DMXL2: variants seen among roughly 807,000 people sequenced by gnomAD.
DMXL2 encodes Dmx like 2.
A neutral mutation model predicts 331.1 loss-of-function variants in DMXL2; 103 were observed. The observed-to-expected ratio is 0.31, with a 90% CI of 0.27 to 0.37. The LOEUF (loss-of-function observed/expected upper bound fraction) is 0.37, where lower values mean the gene tolerates loss of function less well. DMXL2 is among the 10% of genes least tolerant of loss of function. The pLI is 1.00. For missense variants in DMXL2, 3,171 were observed against 3,642.9 expected (o/e 0.87, Z 3.33); for synonymous variants, 1,281 against 1,252.1 (o/e 1.02, Z -0.49).
At chr15:51,505,736 T>G (rs921082943) in intron 16 of DMXL2, among the ~76,000 whole-genome samples, 1 of 152,248 alleles carries the variant, frequency 6.6e-6, no homozygotes, top group African/African-American at 2.4e-5. Context: ...TGTGATAATG[T>G]ATAATACATG....
Position 51,464,993 on chromosome 15 carries a change from A to C in DMXL2, c.7607-117T>G, listed in dbSNP as rs989859743. The C allele has an allele frequency of 9.6e-5, 88 of 918,570 alleles. No homozygotes were observed. The Admixed American group carries it at 1.3e-3, about 14-fold the overall frequency. 56.9% of individuals were successfully genotyped at this position (918,570 alleles called of 1,614,324 possible). A position where few individuals can be genotyped will look rare whatever the true frequency, so the allele number is the denominator to read the frequency against. On this transcript the variant is annotated intron_variant, in intron 31 of 43. Coordinates refer to ENST00000560891, the MANE Select transcript of DMXL2 (RefSeq NM_001378457.1). ...TTCTGAAAATACAAATAAATCTGCA[A>C]ATGTTAATGTAATACAGTTTAGATT... is the stretch of plus-strand genomic sequence containing the variant.
intron 13 of DMXL2, among the ~76,000 whole-genome samples, chr15:51,518,389 T>C (rs1324851839): frequency 6.6e-6 from 1 of 152,192 alleles, no homozygotes; most frequent in East Asian, 1.9e-4. Context: ...CATTGAAATC[T>C]GGACTCAACT....
At position 51,564,199 on chromosome 15, in the gene DMXL2, A is replaced by C; in HGVS notation, c.426T>G (p.Ile142Met). 6.2e-7 allele frequency: 1 copy of C among 1,608,758 alleles called. No homozygotes were observed. Among genetic ancestry groups the C allele is most frequent in the Non-Finnish European group, 8.5e-7 (1 of 1,177,574 alleles). ...TATCAATTTCTTCCTCCTCTTCCAG[A>C]ATATCATCTCCTGGAGGAGCCCACA... is the stretch of plus-strand genomic sequence containing the variant. ...IQLWAPPGDD[I>M]LEEEEEIDNT... Residue 142 changes from isoleucine to methionine, a missense_variant, in exon 5 of 44, where the codon ATT becomes ATG. Physicochemically the swap from Ile to Met is conservative, Grantham distance 10. Transcript: ENST00000560891.
At chr15:51,450,073 G>GT (rs1460352301) in intron 43 of DMXL2, 56 bp downstream of exon 43, 2 of 1,491,982 alleles carry the variant, frequency 1.3e-6, no homozygotes, top group Non-Finnish European at 1.8e-6. Context: ...TGGAGTTTTT[G>GT]TTTTTTCTCT....
At position 51,500,093 on chromosome 15, in the gene DMXL2, T is replaced by C; in HGVS notation, c.3131A>G (p.Glu1044Gly). ...NPECNKSDEK[E>G]IYHWKRWPLM... ...AGGCCATCTCTTCCAATGATAAATT[T>C]CTTTCTCATCACTTTTATTACACTC... Residue 1044 changes from glutamate to glycine, a missense_variant, in exon 18 of 44, where the codon GAA becomes GGA. Physicochemically the swap from Glu to Gly is moderately conservative, Grantham distance 98. Transcript: ENST00000560891. 6.2e-7 allele frequency: 1 copy of C among 1,614,192 alleles called. No individual in the cohort carries two copies. The highest frequency in any genetic ancestry group is 8.5e-7 in the Non-Finnish European group (1 of 1,180,012).
intron 9 of DMXL2, among the ~76,000 whole-genome samples, chr15:51,539,081 G>A (rs1010843367): frequency 1.3e-5 from 2 of 151,754 alleles, no homozygotes; most frequent in African/African-American, 2.4e-5. Context: ...GTGGCGGGGT[G>A]TGCCTGTAGT....
intron 1 of DMXL2, among the ~76,000 whole-genome samples, chr15:51,589,199 A>C (rs2052099274): frequency 6.6e-6 from 1 of 152,212 alleles, no homozygotes; most frequent in Non-Finnish European, 1.5e-5. Flanking sequence ...GGAGCTGAAA[A>C]GTCATGCATA....
intron 1 of DMXL2, among the ~76,000 whole-genome samples, chr15:51,598,165 C>T (rs766850973): frequency 7.2e-5 from 11 of 152,044 alleles, no homozygotes; most frequent in Non-Finnish European, 1.2e-4. Flanking sequence ...ACTTCCTTTA[C>T]TTTTAGTTTT....
In DMXL2 at chr15:51,542,382, T is replaced by C. The variant is rs2048646835; in HGVS notation, c.1056A>G (p.Ala352=). 3 of 1,613,736 alleles carry C rather than the reference T, an allele frequency of 1.9e-6. No homozygotes were observed. The African/African-American group carries it at 4.0e-5, about 22-fold the overall frequency. ...CAATATGAAAATGACAGAGTGCATT[T>C]GCATGGTGGGAAATGTGTCTTTGAA... ...HEVQRHISHH[A]NALCHFHIAA... Residue 352 remains alanine (A), a synonymous_variant, in exon 9 of 44, where the codon GCA becomes GCG. Transcript: ENST00000560891.
At chr15:51,506,732 C>T (rs1057471253) in intron 16 of DMXL2, among the ~76,000 whole-genome samples, 4 of 152,072 alleles carry the variant, frequency 2.6e-5, no homozygotes, top group East Asian at 1.9e-4. Flanking sequence ...GGATTACAGG[C>T]GTGAGCCACC....
chr15:51,542,539 T>C, intron 8 of DMXL2, 32 bp from the exon 9 acceptor site: 1 of 1,539,528 alleles, frequency 6.5e-7, no homozygotes, highest in South Asian at 1.2e-5. Context: ...TGAGTCCAAC[T>C]CTGGAACCTC....
chr15:51,574,038 T>C (rs1204312397), intron 2 of DMXL2, among the ~76,000 whole-genome samples: 1 of 152,028 alleles, frequency 6.6e-6, no homozygotes, highest in Non-Finnish European at 1.5e-5. Context: ...TCAAATAAAA[T>C]GGCCTAATTA....
intron 29 of DMXL2, among the ~76,000 whole-genome samples, chr15:51,470,839 T>A (rs2041034644): frequency 6.6e-6 from 1 of 152,148 alleles, no homozygotes. Flanking sequence ...CATGGCCTGA[T>A]AAAACCGCCA....
Position 51,536,575 on chromosome 15 carries a change from G to C in DMXL2, c.1905C>G (p.Thr635=). 1 of 1,613,914 alleles carries C rather than the reference G, an allele frequency of 6.2e-7. No homozygotes were observed. Among genetic ancestry groups the C allele is most frequent in the South Asian group, 1.1e-5 (1 of 91,068 alleles). The change falls in exon 12 of 44, where the codon ACC becomes ACG. Residue 635 remains threonine, a synonymous_variant. Transcript: ENST00000560891. The part of the protein sequence containing the change: ...AVTFADKSAF[T]TVLTVSHKFR... ...ATTTGTGAGATACAGTTAGAACAGTGGTAAAGGCAGACTTATCAGCAAAAG... is the reference window on the plus strand; with the variant it reads ...ATTTGTGAGATACAGTTAGAACAGTCGTAAAGGCAGACTTATCAGCAAAAG...
chr15:51,496,012 CTATT>C (rs749751967), intron 18 of DMXL2, among the ~76,000 whole-genome samples: 2 of 151,890 alleles, frequency 1.3e-5, no homozygotes, highest in South Asian at 2.1e-4. Context: ...TAATATGTAT[CTATT>C]TATTTATTTA....
intron 6 of DMXL2, among the ~76,000 whole-genome samples, chr15:51,553,692 G>A (rs763629506): frequency 1.3e-5 from 2 of 151,472 alleles, no homozygotes; most frequent in African/African-American, 2.4e-5. Flanking sequence ...CTTAATGAAC[G>A]GTTAATTTAT....
chr15:51,502,185 A>ATAGCAC (rs1223404379), intron 17 of DMXL2, among the ~76,000 whole-genome samples: 1 of 150,964 alleles, frequency 6.6e-6, no homozygotes, highest in Non-Finnish European at 1.5e-5. Flanking sequence ...GTGAGCCAAG[A>ATAGCAC]TAGCACCACT....
At chr15:51,589,402 T>G (rs189537521) in intron 1 of DMXL2, among the ~76,000 whole-genome samples, 1 of 152,350 alleles carries the variant, frequency 6.6e-6, no homozygotes, top group East Asian at 1.9e-4. Flanking sequence ...TGCTCTTCCT[T>G]GATGGTTTAT....
At chr15:51,489,245 A>G (rs911357844) in intron 20 of DMXL2, among the ~76,000 whole-genome samples, 3 of 152,260 alleles carry the variant, frequency 2.0e-5, no homozygotes, top group Non-Finnish European at 4.4e-5. Flanking sequence ...TGAAAGGCAT[A>G]ATGACAAAAC....
Sources: gnomAD v4.1 joint callset for allele counts (sites outside exome capture counted in the v4.1 genomes callset) on GRCh38, gnomAD v4.1.1 for gene constraint, MANE v1.5 for transcripts, NCBI Gene and HGNC (gene_info 2026-07-23, HGNC 2026-07-21) for gene names.